The following NTRK2 variants were observed in gnomAD, a reference collection of about 807,000 sequenced individuals.
NTRK2 encodes BDNF/NT-3 growth factors receptor.
In NTRK2, 13 loss-of-function variants were observed where a neutral mutation model predicts 94.5. The observed-to-expected ratio is 0.14, with a 90% CI of 0.09 to 0.22. The LOEUF is 0.22. Among genes scored for constraint, NTRK2 ranks in the 10% least tolerant of loss-of-function variants. The pLI, the probability that NTRK2 is intolerant of heterozygous loss-of-function variation, is 1.00. For missense variants in NTRK2, 639 were observed against 1,071.2 expected, an observed-to-expected ratio of 0.60 and a Z score of 5.63; for synonymous variants, 372 against 407.4, an observed-to-expected ratio of 0.91 and a Z score of 1.05.
In NTRK2 at chr9:84,848,751, A is replaced by G. The variant is rs572067784; in HGVS notation, c.1397-12289A>G. The stretch of plus-strand genomic sequence containing the variant: ...GCCAAATGATCTTTGAGCACGAAAA[A>G]AATCAAATTTTCTCTCCAATAATAA... On this transcript the variant is annotated intron_variant, in intron 12 of 18. Coordinates refer to ENST00000277120, the MANE Select transcript of NTRK2 (RefSeq NM_006180.6). 3.9e-5 allele frequency among the ~76,000 whole-genome samples: 6 copies of G among 152,326 alleles called. No homozygotes were observed. The East Asian group carries it at 1.2e-3, about 29-fold the overall frequency.
chr9:84,882,930 A>AT lies in NTRK2; in HGVS notation c.1633+15505dup, dbSNP rs1024962519. Among the ~76,000 whole-genome samples the AT allele has an allele frequency of 4.6e-5, 7 of 151,942 alleles. No individual in the cohort carries two copies. In the East Asian group the frequency reaches 1.2e-3, roughly 25 times the overall value. ...AGACAGGCACTACCACACCCGGCTA[A>AT]TTTTTTGTGTGTTTTTAGTAGAGAT... is the stretch of plus-strand genomic sequence containing the variant. On this transcript the variant is annotated intron_variant, in intron 14 of 18. Coordinates refer to ENST00000277120, the MANE Select transcript of NTRK2 (RefSeq NM_006180.6).
chr9:84,668,969 C>A (rs1291663326), upstream of NTRK2, among the ~76,000 whole-genome samples: 1 of 152,144 alleles, frequency 6.6e-6, no homozygotes, highest in Non-Finnish European at 1.5e-5. Context: ...AGGCGCGCTC[C>A]CTTCCCCTCA....
At chr9:84,879,758 C>T (rs1047973559) in intron 14 of NTRK2, among the ~76,000 whole-genome samples, 1 of 152,142 alleles carries the variant, frequency 6.6e-6, no homozygotes, top group African/African-American at 2.4e-5. Context: ...TCTAACTCAG[C>T]AAGAGGAATT....
chr9:84,712,259 G>A (rs945556617), intron 6 of NTRK2, among the ~76,000 whole-genome samples: 4 of 152,254 alleles, frequency 2.6e-5, no homozygotes, highest in East Asian at 3.9e-4. Flanking sequence ...TGGTTGTGTT[G>A]TCTTGGCAGC....
At chr9:84,991,886 G>T (rs549514009) in intron 17 of NTRK2, among the ~76,000 whole-genome samples, 2 of 152,228 alleles carry the variant, frequency 1.3e-5, no homozygotes, top group African/African-American at 4.8e-5. Flanking sequence ...CTGTCTGAAG[G>T]TACCTGTCTG....
chr9:84,815,420 A>G (rs1242300319), intron 12 of NTRK2: 1 of 1,045,420 alleles, frequency 9.6e-7, no homozygotes, highest in Non-Finnish European at 1.2e-6. Flanking sequence ...CAAAGTAACA[A>G]GAGATTCCTA....
intron 14 of NTRK2, among the ~76,000 whole-genome samples, chr9:84,894,798 A>G (rs949870990): frequency 6.6e-6 from 1 of 152,170 alleles, no homozygotes; most frequent in Non-Finnish European, 1.5e-5. Context: ...ACTTCAAAAC[A>G]CCATACAGGA....
chr9:84,970,195 G>A (rs1025677190), intron 17 of NTRK2, among the ~76,000 whole-genome samples: 3 of 151,846 alleles, frequency 2.0e-5, no homozygotes, highest in African/African-American at 7.3e-5. Context: ...TCAGGAGTTC[G>A]AGACCAGCCT....
chr9:84,776,170 T>A (rs2067018185), intron 12 of NTRK2, among the ~76,000 whole-genome samples: 1 of 22,990 alleles, frequency 4.3e-5, no homozygotes, highest in African/African-American at 9.5e-5. Context: ...GATATAGATA[T>A]AAATATAAAT....
At chr9:84,676,496 G>T (rs947537991) in intron 2 of NTRK2, among the ~76,000 whole-genome samples, 1 of 152,148 alleles carries the variant, frequency 6.6e-6, no homozygotes, top group African/African-American at 2.4e-5. Context: ...TGTTCAGATG[G>T]GTCACTTAGA....
chr9:84,797,278 A>T lies in NTRK2; in HGVS notation c.1396+45193A>T, dbSNP rs575524862. ...ACTGGAACACACCGACTCATTTCTC[A>T]CATGTTGTCTATGTTGCTTTCATAC... On this transcript the variant is annotated intron_variant, in intron 12 of 18. Transcript: ENST00000277120. Among the ~76,000 whole-genome samples the T allele has an allele frequency of 4.6e-5, 7 of 151,872 alleles. No homozygotes were observed. The South Asian group carries it at 1.2e-3, about 27-fold the overall frequency.
intron 5 of NTRK2, among the ~76,000 whole-genome samples, chr9:84,708,883 A>G (rs992835691): frequency 6.6e-6 from 1 of 152,254 alleles, no homozygotes; most frequent in Non-Finnish European, 1.5e-5. Context: ...AATGCTTCTA[A>G]CACAGGAATA....
At chr9:84,828,783 T>C (rs911920214) in intron 12 of NTRK2, among the ~76,000 whole-genome samples, 1 of 152,172 alleles carries the variant, frequency 6.6e-6, no homozygotes, top group African/African-American at 2.4e-5. Context: ...TGATGTGTGA[T>C]TCATGGATTG....
At chr9:84,997,079 A>G (rs1829837775) in intron 17 of NTRK2, among the ~76,000 whole-genome samples, 1 of 152,198 alleles carries the variant, frequency 6.6e-6, no homozygotes, top group Non-Finnish European at 1.5e-5. Context: ...GAGGCAAAGC[A>G]TGCATACCTT....
At chr9:84,815,269 AC>A (rs747190608) in intron 12 of NTRK2, 260 of 1,053,690 alleles carry the variant, frequency 2.5e-4, no homozygotes, top group Middle Eastern at 8.5e-4. Flanking sequence ...TGTTGAACCA[AC>A]CCCCACCCCT....
chr9:84,825,438 C>T (rs1387281110), intron 12 of NTRK2, among the ~76,000 whole-genome samples: 1 of 152,154 alleles, frequency 6.6e-6, no homozygotes, highest in African/African-American at 2.4e-5. Flanking sequence ...TGGTCCACTT[C>T]CTTAAGCTGC....
intron 14 of NTRK2, among the ~76,000 whole-genome samples, chr9:84,910,992 TGACATCATTACTGTG>T (rs2077220625): frequency 6.6e-6 from 1 of 152,192 alleles, no homozygotes; most frequent in South Asian, 2.1e-4. Flanking sequence ...TGAGGAGAAT[TGACATCATTACTGTG>T]CTGAGTTGTC....
chr9:84,740,948 AC>A (rs2063604530), intron 9 of NTRK2, among the ~76,000 whole-genome samples: 1 of 152,220 alleles, frequency 6.6e-6, no homozygotes, highest in African/African-American at 2.4e-5. Context: ...TTTATGGTTT[AC>A]AAGTTTTACT....
rs1415145969 is a variant in NTRK2 at position 84,762,708 on chromosome 9, GTA to G, written c.1396+10626_1396+10627del. On this transcript the variant is annotated intron_variant, in intron 12 of 18. Transcript: ENST00000277120. ...CTTTATTTTTCTATTGTTCAATGAA[GTA>G]TACCCTTTTAGCCCTTTCTGTACTG... Among the ~76,000 whole-genome samples the G allele has an allele frequency of 2.0e-5, 3 of 152,296 alleles. No individual in the cohort carries two copies. The South Asian group carries it at 6.2e-4, about 32-fold the overall frequency.
Sources: allele counts gnomAD v4.1 joint callset (sites outside exome capture counted in the v4.1 genomes callset), GRCh38; gene constraint gnomAD v4.1.1; transcripts MANE v1.5; gene names NCBI Gene and HGNC (gene_info 2026-07-23, HGNC 2026-07-21).